COBL: variants seen among roughly 807,000 people sequenced by gnomAD.
COBL encodes cordon-bleu WH2 repeat protein.
COBL carries 51 observed loss-of-function variants against 98.8 expected under a neutral mutation model. The ratio of observed to expected loss-of-function variants is 0.52; its 90% CI spans 0.41 to 0.65. The LOEUF is 0.65. COBL is among the 30% of genes least tolerant of loss of function. The pLI is 0.00. For synonymous variants in COBL, 634 were observed against 651.7 expected (o/e 0.97, Z 0.41); for missense variants, 1,617 against 1,617.5 (o/e 1.00, Z 0.01).
chr7:51,110,579 GTATT>G (rs1796733304), intron 6 of COBL, among the ~76,000 whole-genome samples: 1 of 152,156 alleles, frequency 6.6e-6, no homozygotes, highest in Non-Finnish European at 1.5e-5. Context: ...GGTACAGGTG[GTATT>G]TGGTTACATA....
chr7:51,295,285 C>A (rs1317398257), intron 1 of COBL, among the ~76,000 whole-genome samples: 102 of 137,710 alleles, frequency 7.4e-4, no homozygotes, highest in Admixed American at 1.0e-3. Flanking sequence ...GACTCTGGCT[C>A]AAAAAAAAAA....
At chr7:51,296,130 T>A (rs1174839287) in intron 1 of COBL, among the ~76,000 whole-genome samples, 1 of 152,230 alleles carries the variant, frequency 6.6e-6, no homozygotes, top group African/African-American at 2.4e-5. Context: ...ATAACACTTG[T>A]TGTAATGGAC....
chr7:51,147,468 A>G (rs1785135864), intron 5 of COBL, among the ~76,000 whole-genome samples: 1 of 152,194 alleles, frequency 6.6e-6, no homozygotes, highest in Non-Finnish European at 1.5e-5. Context: ...TGACGCGTTC[A>G]CCTTACTGCT....
intron 1 of COBL, among the ~76,000 whole-genome samples, chr7:51,238,882 G>C (rs1795517816): frequency 6.6e-6 from 1 of 152,144 alleles, no homozygotes; most frequent in African/African-American, 2.4e-5. Context: ...CCCGGTGAAG[G>C]AGCCTCCCCT....
At chr7:51,178,578 G>A (rs1441619355) in intron 5 of COBL, among the ~76,000 whole-genome samples, 1 of 152,042 alleles carries the variant, frequency 6.6e-6, no homozygotes, top group Non-Finnish European at 1.5e-5. Flanking sequence ...GAAGAGAGAG[G>A]AAGACACACT....
chr7:51,036,331 C>T (rs1199886273), intron 8 of COBL, among the ~76,000 whole-genome samples: 17 of 122,956 alleles, frequency 1.4e-4, no homozygotes, highest in African/African-American at 1.7e-4. Flanking sequence ...AGTGAGACTC[C>T]GTCTCAAAAA....
chr7:51,030,475 G>A (rs968388818), intron 9 of COBL, among the ~76,000 whole-genome samples: 1 of 152,146 alleles, frequency 6.6e-6, no homozygotes, highest in Admixed American at 6.5e-5. Context: ...CAAATTAAGA[G>A]AAGTCTTAAT....
chr7:51,258,996 A>G (rs1797452381), intron 1 of COBL, among the ~76,000 whole-genome samples: 1 of 151,944 alleles, frequency 6.6e-6, no homozygotes, highest in Admixed American at 6.6e-5. Context: ...CTTAATAGTA[A>G]CCCAATCTCG....
At chr7:51,248,594 C>T (rs1474135486) in intron 1 of COBL, among the ~76,000 whole-genome samples, 1 of 152,102 alleles carries the variant, frequency 6.6e-6, no homozygotes, top group Non-Finnish European at 1.5e-5. Flanking sequence ...CCCCATTTTA[C>T]AAATAGGACA....
chr7:51,200,531 T>C (rs1417992058), intron 2 of COBL, among the ~76,000 whole-genome samples: 1 of 152,212 alleles, frequency 6.6e-6, no homozygotes, highest in African/African-American at 2.4e-5. Flanking sequence ...TGTATATGAT[T>C]GAAGTGAAGT....
intron 5 of COBL, chr7:51,156,562 T>C (rs1038382012): frequency 4.4e-5 from 43 of 985,048 alleles, no homozygotes; most frequent in Non-Finnish European, 5.1e-5. Flanking sequence ...GCAAACATTC[T>C]TAGCCAAGCA....
rs529807680 is a variant in COBL, at chr7:51,073,425, T to C, written c.1096+11741A>G. On this transcript the variant is annotated intron_variant, in intron 7 of 12. Transcript: ENST00000265136. ...TAAATGGCAAAATGTGAACGCACACTTGCGGTGAAATAAATATCTGCCATT... is the reference window on the plus strand; with the variant it reads ...TAAATGGCAAAATGTGAACGCACACCTGCGGTGAAATAAATATCTGCCATT... 4.6e-6 allele frequency: 3 copies of C among 653,476 alleles called. No homozygotes were observed. In the Admixed American group the frequency reaches 6.6e-5, roughly 14 times the overall value. The allele number at this position is 653,476 out of a possible 1,614,324, so 40.5% of individuals were successfully genotyped here.
At chr7:51,148,939 TC>T (rs946671589) in intron 5 of COBL, among the ~76,000 whole-genome samples, 3 of 151,766 alleles carry the variant, frequency 2.0e-5, no homozygotes, top group African/African-American at 7.3e-5. Flanking sequence ...CACAAAAAAA[TC>T]TCTTATCTTT....
In COBL at chr7:51,268,457, C is replaced by T. The variant is rs545107452; in HGVS notation, c.41+48136G>A. 2.6e-5 allele frequency among the ~76,000 whole-genome samples: 4 copies of T among 152,280 alleles called. No homozygotes were observed. In the South Asian group the frequency reaches 8.3e-4, roughly 32 times the overall value. ...GACACTTAATTCCTCCTCAAAAAGT[C>T]TTTCCTACCACCCTTCCTGCAACGC... On this transcript the variant is annotated intron_variant, in intron 1 of 12. Transcript: ENST00000265136.
chr7:51,248,350 A>C (rs1265850474), intron 1 of COBL, among the ~76,000 whole-genome samples: 1 of 152,220 alleles, frequency 6.6e-6, no homozygotes, highest in African/African-American at 2.4e-5. Flanking sequence ...TTGGAAGGGA[A>C]GAGAAGAACA....
intron 8 of COBL, chr7:51,034,410 C>T (rs745781449): frequency 1.3e-5 from 2 of 152,222 alleles, no homozygotes; most frequent in Admixed American, 6.5e-5. Flanking sequence ...GCAGCCTGCT[C>T]TTCTTTTGAT....
intron 1 of COBL, among the ~76,000 whole-genome samples, chr7:51,295,808 G>A (rs1419759931): frequency 6.6e-6 from 1 of 152,180 alleles, no homozygotes; most frequent in Non-Finnish European, 1.5e-5. Flanking sequence ...CAGCCTCACA[G>A]AAGTCTGCAC....
intron 6 of COBL, among the ~76,000 whole-genome samples, chr7:51,134,442 C>A (rs1296526426): frequency 6.6e-6 from 1 of 152,174 alleles, no homozygotes; most frequent in Non-Finnish European, 1.5e-5. Context: ...ACTTACTGCA[C>A]ATTTTCCCAC....
intron 1 of COBL, among the ~76,000 whole-genome samples, chr7:51,260,881 T>A (rs1350040586): frequency 6.6e-6 from 1 of 152,176 alleles, no homozygotes; most frequent in Non-Finnish European, 1.5e-5. Context: ...CACTTGCATT[T>A]AGCCATGACT....
Sources: allele counts gnomAD v4.1 joint callset (sites outside exome capture counted in the v4.1 genomes callset), GRCh38; gene constraint gnomAD v4.1.1; transcripts MANE v1.5; gene names NCBI Gene and HGNC (gene_info 2026-07-23, HGNC 2026-07-21).